The following RAD51B variants were observed in gnomAD, a reference collection of about 807,000 sequenced individuals.
RAD51B encodes the protein DNA repair protein RAD51 homolog 2.
In RAD51B, 38 loss-of-function variants were observed where a neutral mutation model predicts 42.2. The observed-to-expected ratio is 0.90, with a 90% CI of 0.70 to 1.18. The LOEUF (loss-of-function observed/expected upper bound fraction) is 1.18. Ranked by LOEUF, RAD51B falls within the 50% of genes most tolerant of loss-of-function variation. RAD51B has a pLI of 0.00. For missense variants in RAD51B, 373 were observed against 400.7 expected, an observed-to-expected ratio of 0.93 and a Z score of 0.59; for synonymous variants, 154 against 145.2, an observed-to-expected ratio of 1.06 and a Z score of -0.43.
chr14:68,180,477 AT>A (rs1325948329), intron 7 of RAD51B, among the ~76,000 whole-genome samples: 3 of 152,160 alleles, frequency 2.0e-5, no homozygotes, highest in Non-Finnish European at 2.9e-5. Flanking sequence ...AAAAAGTATC[AT>A]CATGATTATC....
At chr14:68,092,131 A>T (rs1022931248) in intron 7 of RAD51B, among the ~76,000 whole-genome samples, 1 of 152,164 alleles carries the variant, frequency 6.6e-6, no homozygotes, top group African/African-American at 2.4e-5. Flanking sequence ...GTCAGGTAGC[A>T]TGATGCCTCC....
intron 8 of RAD51B, among the ~76,000 whole-genome samples, chr14:68,358,408 C>T (rs2082951290): frequency 6.6e-6 from 1 of 152,192 alleles, no homozygotes; most frequent in African/African-American, 2.4e-5. Flanking sequence ...ATCGATGGGT[C>T]CGAGGCATGT....
chr14:68,130,428 C>A (rs1325010261), intron 7 of RAD51B, among the ~76,000 whole-genome samples: 1 of 152,190 alleles, frequency 6.6e-6, no homozygotes, highest in Non-Finnish European at 1.5e-5. Context: ...GATAAATTCA[C>A]CAAGATGAAA....
At chr14:68,401,992 C>T (rs1196435485) in intron 8 of RAD51B, among the ~76,000 whole-genome samples, 3 of 152,146 alleles carry the variant, frequency 2.0e-5, no homozygotes, top group East Asian at 1.9e-4. Flanking sequence ...ATATCACTTC[C>T]GTTGGAACCT....
chr14:68,543,735 G>A (rs1409656856), intron 10 of RAD51B, among the ~76,000 whole-genome samples: 1 of 152,152 alleles, frequency 6.6e-6, no homozygotes, highest in East Asian at 1.9e-4. Flanking sequence ...CCACCGCTGG[G>A]GCCAACCACT....
chr14:68,595,037 T>C, exon 11 of RAD51B: 1 of 1,073,878 alleles, frequency 9.3e-7, no homozygotes, highest in Non-Finnish European at 1.1e-6. Context: ...TTTGCCCCAG[T>C]TTCTCCACTG....
At chr14:68,670,183 G>C (rs149768225) in intron 11 of RAD51B, among the ~76,000 whole-genome samples, 1 of 152,184 alleles carries the variant, frequency 6.6e-6, no homozygotes, top group Non-Finnish European at 1.5e-5. Context: ...CCTTGTGACG[G>C]GAAGTTTGGG....
At chr14:68,612,406 C>A (rs919850572), downstream of RAD51B, among the ~76,000 whole-genome samples, 4 of 152,236 alleles carry the variant, frequency 2.6e-5, no homozygotes, top group African/African-American at 9.6e-5. Context: ...ACTCCAGAAT[C>A]TGCTATCCTT....
intron 7 of RAD51B, among the ~76,000 whole-genome samples, chr14:68,005,048 T>TGG (rs2075560218): frequency 8.1e-6 from 1 of 123,040 alleles, no homozygotes; most frequent in Non-Finnish European, 1.7e-5. Flanking sequence ...TGTGTGTGTT[T>TGG]TTTTTTTTTT....
At chr14:68,272,914 G>C (rs1248512029) in intron 7 of RAD51B, among the ~76,000 whole-genome samples, 2 of 150,978 alleles carry the variant, frequency 1.3e-5, no homozygotes, top group African/African-American at 2.4e-5. Context: ...TCGATCTCTT[G>C]ACCTGGTGAT....
intron 7 of RAD51B, among the ~76,000 whole-genome samples, chr14:68,117,327 A>G (rs1398862903): frequency 1.3e-5 from 2 of 152,196 alleles, no homozygotes; most frequent in Non-Finnish European, 2.9e-5. Context: ...ATCCTGGGTT[A>G]TAAATTCTCC....
chr14:68,299,783 G>A (rs558750657), intron 8 of RAD51B, among the ~76,000 whole-genome samples: 7 of 152,288 alleles, frequency 4.6e-5, no homozygotes, highest in African/African-American at 1.7e-4. Flanking sequence ...AGATTATCAT[G>A]ACTATGTATA....
chr14:68,639,744 G>A (rs1404984180), intron 10 of RAD51B, among the ~76,000 whole-genome samples: 2 of 152,094 alleles, frequency 1.3e-5, no homozygotes, highest in Non-Finnish European at 2.9e-5. Context: ...TGTGGGAGAG[G>A]TGGGCAGAGC....
Position 68,387,390 on chromosome 14 carries a change from A to C in RAD51B, c.854-24034A>C, listed in dbSNP as rs574656852. Among the ~76,000 whole-genome samples, 7 of 152,352 alleles carry C rather than the reference A, an allele frequency of 4.6e-5. No individual in the cohort carries two copies. The East Asian group carries it at 1.2e-3, about 25-fold the overall frequency. On this transcript the variant is annotated intron_variant, in intron 8 of 10. Coordinates refer to ENST00000471583, the MANE Select transcript of RAD51B (RefSeq NM_133510.4). ...GTTCTCAAAAGGGATGTACAAATCG[A>C]TTGCACAACCTACAGCAAGTGGCAT...
At chr14:68,122,257 A>G (rs896442277) in intron 7 of RAD51B, among the ~76,000 whole-genome samples, 1 of 152,190 alleles carries the variant, frequency 6.6e-6, no homozygotes, top group Non-Finnish European at 1.5e-5. Context: ...GTTTATGCAT[A>G]ACAAGAAAAT....
chr14:68,404,987 G>A (rs1231456669), intron 8 of RAD51B, among the ~76,000 whole-genome samples: 1 of 152,178 alleles, frequency 6.6e-6, no homozygotes, highest in Admixed American at 6.5e-5. Context: ...GACATGATAA[G>A]CCCAGAGAAA....
intron 4 of RAD51B, among the ~76,000 whole-genome samples, chr14:67,859,207 G>A (rs1265989688): frequency 6.6e-6 from 1 of 152,166 alleles, no homozygotes; most frequent in Non-Finnish European, 1.5e-5. Flanking sequence ...AACATACTGG[G>A]ATGAATTATA....
rs148007700 is a variant in RAD51B at position 67,829,760 on chromosome 14, G to A, written c.198+4183G>A. Among the ~76,000 whole-genome samples the A allele has an allele frequency of 6.8e-3, 1,039 of 152,220 alleles. 28 individuals carry two copies. The highest frequency in any genetic ancestry group is 3.7e-3 in the Non-Finnish European group (252 of 68,016). On this transcript the variant is annotated intron_variant, in intron 3 of 10. Transcript: ENST00000471583. ...GCACCAAGGCTATCATGGTGAACAA[G>A]TTTATACAGTCCAGCCCTCTTGTAG...
chr14:67,945,079 A>G (rs899539415), intron 7 of RAD51B, among the ~76,000 whole-genome samples: 12 of 152,232 alleles, frequency 7.9e-5, no homozygotes, highest in African/African-American at 2.7e-4. Context: ...TTTGGCTACA[A>G]TGAGTAACTA....
Sources: allele counts gnomAD v4.1 joint callset (sites outside exome capture counted in the v4.1 genomes callset), GRCh38; gene constraint gnomAD v4.1.1; transcripts MANE v1.5; gene names NCBI Gene and HGNC (gene_info 2026-07-23, HGNC 2026-07-21).